CMSS1: variants seen among roughly 807,000 people sequenced by gnomAD.
CMSS1 encodes the protein cms1 ribosomal small subunit homolog.
Under a neutral mutation model 43.5 loss-of-function variants are expected in CMSS1, and 33 were observed. The ratio of observed to expected loss-of-function variants is 0.76; its 90% CI spans 0.57 to 1.01. The LOEUF (loss-of-function observed/expected upper bound fraction) is 1.01. Among genes scored for constraint, CMSS1 ranks in the 50% least tolerant of loss-of-function variants. The pLI, the probability that CMSS1 is intolerant of heterozygous loss-of-function variation, is 0.00. For synonymous variants in CMSS1, 115 were observed against 117.2 expected (o/e 0.98, Z 0.12); for missense variants, 313 against 326.4 (o/e 0.96, Z 0.32).
chr3:99,925,768 G>A (rs1432822491), intron 1 of CMSS1: 13 of 741,302 alleles, frequency 1.8e-5, no homozygotes, highest in Non-Finnish European at 2.1e-5. Flanking sequence ...AAGTGGAGGT[G>A]ACCTCATAAA....
chr3:100,121,642 A>G (rs1265023286), intron 1 of CMSS1, among the ~76,000 whole-genome samples: 1 of 152,152 alleles, frequency 6.6e-6, no homozygotes, highest in Non-Finnish European at 1.5e-5. Context: ...TCCTTTGGGT[A>G]TATGCCCGGT....
intron 1 of CMSS1, among the ~76,000 whole-genome samples, chr3:100,061,420 C>A (rs368159141): frequency 8.5e-5 from 13 of 152,192 alleles, no homozygotes; most frequent in African/African-American, 2.7e-4. Flanking sequence ...GTAGGCAATT[C>A]TTGGTTATTC....
intron 1 of CMSS1, among the ~76,000 whole-genome samples, chr3:99,818,728 A>G (rs1942373280): frequency 6.6e-6 from 1 of 152,238 alleles, no homozygotes; most frequent in African/African-American, 2.4e-5. Flanking sequence ...AAGTAACTTG[A>G]CAAGTTCACA....
chr3:99,892,909 G>A lies in CMSS1; in HGVS notation c.64+74866G>A, dbSNP rs144514272. The stretch of plus-strand genomic sequence containing the variant: ...GTTATCTTTTACATAAATTCTAAGC[G>A]TACTATTGGCCTGTATTTTTCTTCA... On this transcript the variant is annotated intron_variant, in intron 1 of 9. Transcript: ENST00000421999. Among the ~76,000 whole-genome samples, 710 of 152,222 alleles carry A rather than the reference G, an allele frequency of 4.7e-3. 2 individuals carry two copies. Among genetic ancestry groups the A allele is most frequent in the South Asian group, 7.7e-3 (37 of 4,820 alleles).
intron 2 of CMSS1, 22 bp downstream of exon 2, chr3:100,147,083 G>A (rs771353363): frequency 1.1e-5 from 18 of 1,612,272 alleles, no homozygotes; most frequent in Non-Finnish European, 1.4e-5. Context: ...CTGTGGGAGA[G>A]CCACCACTGT....
At chr3:100,058,883 T>C (rs1221852250) in intron 1 of CMSS1, among the ~76,000 whole-genome samples, 1 of 152,230 alleles carries the variant, frequency 6.6e-6, no homozygotes, top group Admixed American at 6.5e-5. Context: ...TTCTAGAACC[T>C]TTTTCTTTCT....
At chr3:100,063,404 G>A (rs1312963318) in intron 1 of CMSS1, among the ~76,000 whole-genome samples, 4 of 151,918 alleles carry the variant, frequency 2.6e-5, no homozygotes, top group Non-Finnish European at 5.9e-5. Context: ...ATTCTTCTTG[G>A]TGTAATTATT....
chr3:99,883,445 A>G (rs1441489537), intron 1 of CMSS1, among the ~76,000 whole-genome samples: 1 of 152,238 alleles, frequency 6.6e-6, no homozygotes, highest in Non-Finnish European at 1.5e-5. Flanking sequence ...CTTAGAATGA[A>G]CAGATTATTT....
At chr3:99,869,751 T>A (rs539658390) in intron 1 of CMSS1, among the ~76,000 whole-genome samples, 3 of 152,232 alleles carry the variant, frequency 2.0e-5, no homozygotes. Context: ...CTCAGAGATT[T>A]GTTTTTGTTT....
chr3:100,132,498 A>G (rs2066716680), intron 1 of CMSS1, among the ~76,000 whole-genome samples: 1 of 152,156 alleles, frequency 6.6e-6, no homozygotes, highest in Non-Finnish European at 1.5e-5. Flanking sequence ...TCCTTGACAA[A>G]TGAACAGTTA....
chr3:100,140,073 G>A (rs974162796), intron 1 of CMSS1, among the ~76,000 whole-genome samples: 1 of 152,124 alleles, frequency 6.6e-6, no homozygotes, highest in Non-Finnish European at 1.5e-5. Flanking sequence ...GTTATTTTTA[G>A]TATATGTAAA....
At chr3:100,067,979 G>A (rs1028396473) in intron 1 of CMSS1, among the ~76,000 whole-genome samples, 6 of 152,084 alleles carry the variant, frequency 3.9e-5, no homozygotes, top group Admixed American at 1.3e-4. Flanking sequence ...AAGACCCAAG[G>A]CACCTCCAAG....
chr3:99,893,239 C>G (rs1340873410), intron 1 of CMSS1, among the ~76,000 whole-genome samples: 2 of 148,214 alleles, frequency 1.3e-5, no homozygotes, highest in Non-Finnish European at 3.0e-5. Flanking sequence ...AATCTCGGCT[C>G]ACTGCAACCT....
At chr3:100,084,796 A>G (rs1009243572) in intron 1 of CMSS1, among the ~76,000 whole-genome samples, 2 of 152,238 alleles carry the variant, frequency 1.3e-5, no homozygotes, top group African/African-American at 2.4e-5. Context: ...TCATATTATC[A>G]TCTCAGAGCT....
intron 1 of CMSS1, chr3:99,898,274 A>C (rs1706324641): frequency 6.6e-6 from 1 of 152,196 alleles, no homozygotes. Context: ...AGGTGTATGG[A>C]ATGAAAGATT....
At chr3:99,824,500 A>G (rs1942500381) in intron 1 of CMSS1, among the ~76,000 whole-genome samples, 1 of 152,232 alleles carries the variant, frequency 6.6e-6, no homozygotes, top group Non-Finnish European at 1.5e-5. Context: ...GGCCTAGAGT[A>G]GTATCTGGAT....
intron 4 of CMSS1, among the ~76,000 whole-genome samples, chr3:100,162,675 A>G (rs954140007): frequency 1.3e-5 from 2 of 152,044 alleles, no homozygotes; most frequent in Non-Finnish European, 2.9e-5. Flanking sequence ...ATAATTGTTT[A>G]AAGAGACATA....
At chr3:99,882,432 G>T (rs1342354334) in intron 1 of CMSS1, among the ~76,000 whole-genome samples, 1 of 152,164 alleles carries the variant, frequency 6.6e-6, no homozygotes, top group South Asian at 2.1e-4. Context: ...TCATATAATG[G>T]CTGGAAATGT....
At chr3:100,079,537 CA>C in intron 1 of CMSS1, among the ~76,000 whole-genome samples, 1 of 152,076 alleles carries the variant, frequency 6.6e-6, no homozygotes. Context: ...ATCATGTCAG[CA>C]AAAAAGTAGA....
Sources: gnomAD v4.1 joint callset for allele counts (sites outside exome capture counted in the v4.1 genomes callset) on GRCh38, gnomAD v4.1.1 for gene constraint, MANE v1.5 for transcripts, NCBI Gene and HGNC (gene_info 2026-07-23, HGNC 2026-07-21) for gene names.